Variants in ULK4 observed in about 807,000 individuals in gnomAD.
ULK4 encodes the protein inactive serine/threonine-protein kinase ULK4.
ULK4 carries 133 observed loss-of-function variants against 160.6 expected under a neutral mutation model. The observed-to-expected ratio is 0.83, with a 90% CI of 0.72 to 0.96. The LOEUF (loss-of-function observed/expected upper bound fraction) is 0.96. Ranked by LOEUF, ULK4 falls within the 40% of genes least tolerant of loss-of-function variation. ULK4 has a pLI of 0.00. For synonymous variants in ULK4, 534 were observed against 539.8 expected (o/e 0.99, Z 0.15); for missense variants, 1,580 against 1,499.5 (o/e 1.05, Z -0.89).
At position 41,681,529 on chromosome 3, in the gene ULK4, A is replaced by C; in HGVS notation, c.2957T>G (p.Ile986Ser). 6.2e-7 allele frequency: 1 copy of C among 1,614,064 alleles called. No homozygotes were observed. The highest frequency in any genetic ancestry group is 8.5e-7 in the Non-Finnish European group (1 of 1,179,958). The change falls in exon 29 of 37, where the codon ATT (isoleucine) becomes AGT (serine). Residue 986 changes from isoleucine to serine, a missense_variant. Ile to Ser is a moderately radical substitution (Grantham distance 142). Coordinates refer to ENST00000301831, the MANE Select transcript of ULK4 (RefSeq NM_017886.4). ...VDSDSNLLAL[I>S]RDVLLPQYEH... ...TTACTGGGGAAGTAAGACATCTCGA[A>C]TGAGAGCCAGAAGATTGCTGTCAGA...
At chr3:41,334,866 A>G (rs1205823298) in intron 35 of ULK4, among the ~76,000 whole-genome samples, 2 of 152,258 alleles carry the variant, frequency 1.3e-5, no homozygotes, top group African/African-American at 4.8e-5. Context: ...GTAGAGATAA[A>G]GAAAACTCAA....
At chr3:41,323,843 TA>T (rs200631875) in intron 35 of ULK4, among the ~76,000 whole-genome samples, 1 of 152,010 alleles carries the variant, frequency 6.6e-6, no homozygotes, top group African/African-American at 2.4e-5. Context: ...CTTTAGGATT[TA>T]AAAAAAATAG....
Position 41,912,827 on chromosome 3 carries a change from G to C in ULK4, c.876C>G (p.Ser292Arg), listed in dbSNP as rs371153917. Residue 292 changes from serine to arginine, a missense_variant, in exon 9 of 37, where the codon AGC becomes AGG. Coordinates refer to ENST00000301831, the MANE Select transcript of ULK4 (RefSeq NM_017886.4). ...ACTACCTGAGACTGAGATCTTCGAC[G>C]CTTGATTCCTGATCTGCTCCAGCAA... ...KAFAGADQESSVEDLSLSRNT... is the reference protein window; with the variant it reads ...KAFAGADQESRVEDLSLSRNT... The C allele has an allele frequency of 6.2e-7, 1 of 1,614,058 alleles. No homozygotes were observed. The highest frequency in any genetic ancestry group is 8.5e-7 in the Non-Finnish European group (1 of 1,180,000).
At chr3:41,249,675 G>T in intron 35 of ULK4, 101 bp from the exon 36 acceptor site, 1 of 1,218,148 alleles carries the variant, frequency 8.2e-7, no homozygotes, top group Non-Finnish European at 1.2e-6. Flanking sequence ...TGGTGCTGTG[G>T]CTGCCTAAGG....
At chr3:41,498,330 G>A (rs2085064585) in intron 32 of ULK4, among the ~76,000 whole-genome samples, 1 of 152,082 alleles carries the variant, frequency 6.6e-6, no homozygotes, top group African/African-American at 2.4e-5. Context: ...AATCACAAGG[G>A]AAATTAGAAA....
intron 30 of ULK4, among the ~76,000 whole-genome samples, chr3:41,661,446 C>T (rs756969295): frequency 8.4e-5 from 12 of 142,806 alleles, no homozygotes; most frequent in Non-Finnish European, 1.2e-4. Context: ...TGTGTATACT[C>T]GTATACATAC....
At chr3:41,802,182 T>C (rs1167446440) in intron 19 of ULK4, among the ~76,000 whole-genome samples, 1 of 152,048 alleles carries the variant, frequency 6.6e-6, no homozygotes, top group African/African-American at 2.4e-5. Flanking sequence ...AAAAAAATGA[T>C]AATGAGAAGA....
chr3:41,817,634 G>T (rs928354205), intron 19 of ULK4, among the ~76,000 whole-genome samples: 3 of 152,056 alleles, frequency 2.0e-5, no homozygotes. Flanking sequence ...GGAGAAGGTG[G>T]ACAGGGAATA....
intron 32 of ULK4, among the ~76,000 whole-genome samples, chr3:41,541,057 G>A (rs533832088): frequency 3.3e-5 from 5 of 152,150 alleles, no homozygotes; most frequent in African/African-American, 7.2e-5. Flanking sequence ...GTCAATTTTC[G>A]CTTTTGTTGC....
At chr3:41,931,759 A>G (rs1699611847) in intron 5 of ULK4, 85 bp downstream of exon 5, 1 of 1,501,076 alleles carries the variant, frequency 6.7e-7, no homozygotes, top group African/African-American at 1.4e-5. Flanking sequence ...GTGGCAAAAC[A>G]AAAGACTGAC....
chr3:41,600,251 AGTCAGTGATCT>A (rs1166581270), intron 31 of ULK4, among the ~76,000 whole-genome samples: 1 of 152,204 alleles, frequency 6.6e-6, no homozygotes, highest in African/African-American at 2.4e-5. Context: ...TAATATTGAC[AGTCAGTGATCT>A]GTGCGCAGGT....
In ULK4 at chr3:41,400,855, A is replaced by AT. The variant is rs936380857; in HGVS notation, c.3493-2592dup. On this transcript the variant is annotated intron_variant, in intron 34 of 36. Coordinates refer to ENST00000301831, the MANE Select transcript of ULK4 (RefSeq NM_017886.4). ...TCCCCTAGCACTTAGTGTTATCACT[A>AT]TTTTTTTATTTTAGCCACTCTGCTA... Among the ~76,000 whole-genome samples, 28 of 152,230 alleles carry AT rather than the reference A, an allele frequency of 1.8e-4. No homozygotes were observed. The East Asian group carries it at 4.8e-3, about 26-fold the overall frequency.
chr3:41,661,163 A>G (rs1288297826), intron 30 of ULK4, among the ~76,000 whole-genome samples: 2 of 152,190 alleles, frequency 1.3e-5, no homozygotes, highest in Non-Finnish European at 2.9e-5. Flanking sequence ...ACAAATATTC[A>G]AAGAGATTCA....
chr3:41,952,623 G>A (rs75981075), intron 2 of ULK4, among the ~76,000 whole-genome samples: 367 of 152,268 alleles, frequency 2.4e-3, no homozygotes, highest in African/African-American at 7.9e-3. Context: ...GGTCTGGAAT[G>A]AGAAGATGGC....
intron 11 of ULK4, among the ~76,000 whole-genome samples, chr3:41,910,016 C>T (rs1698723051): frequency 6.6e-6 from 1 of 152,070 alleles, no homozygotes; most frequent in Non-Finnish European, 1.5e-5. Flanking sequence ...CCTGCCTCAG[C>T]CTCCTAAGTA....
chr3:41,635,701 C>T (rs2033925693), intron 30 of ULK4, among the ~76,000 whole-genome samples: 1 of 152,084 alleles, frequency 6.6e-6, no homozygotes. Flanking sequence ...AGGTTAAGCC[C>T]ATTTTACAGA....
chr3:41,293,519 T>G (rs925358777), intron 35 of ULK4, among the ~76,000 whole-genome samples: 4 of 152,156 alleles, frequency 2.6e-5, no homozygotes, highest in African/African-American at 9.7e-5. Context: ...CCATACAACA[T>G]GTTACAGGCT....
chr3:41,426,643 G>A (rs369697220), intron 34 of ULK4, among the ~76,000 whole-genome samples: 7 of 151,882 alleles, frequency 4.6e-5, no homozygotes, highest in Admixed American at 6.6e-5. Context: ...CATAGAAATC[G>A]AACAACCTGC....
chr3:41,939,185 G>T (rs1441046911), intron 2 of ULK4, among the ~76,000 whole-genome samples: 4 of 148,684 alleles, frequency 2.7e-5, no homozygotes, highest in Non-Finnish European at 5.9e-5. Context: ...TTTTGAGGAG[G>T]AGTCTCGCTC....
Sources: gnomAD v4.1 joint callset for allele counts (sites outside exome capture counted in the v4.1 genomes callset) on GRCh38, gnomAD v4.1.1 for gene constraint, MANE v1.5 for transcripts, NCBI Gene and HGNC (gene_info 2026-07-23, HGNC 2026-07-21) for gene names.